Variants in PID1 observed in about 807,000 individuals in gnomAD.
PID1 encodes the protein PTB-containing, cubilin and LRP1-interacting protein.
A neutral mutation model predicts 19.1 loss-of-function variants in PID1; 10 were observed. The ratio of observed to expected loss-of-function variants is 0.52; its 90% CI spans 0.32 to 0.89. The LOEUF is 0.89. Ranked by LOEUF, PID1 falls within the 40% of genes least tolerant of loss-of-function variation. PID1 has a pLI of 0.03. For missense variants in PID1, 248 were observed against 285.3 expected, an observed-to-expected ratio of 0.87 and a Z score of 0.94; for synonymous variants, 130 against 116.0, an observed-to-expected ratio of 1.12 and a Z score of -0.78.
intron 2 of PID1, among the ~76,000 whole-genome samples, chr2:229,118,027 G>T (rs1276186360): frequency 6.6e-6 from 1 of 152,236 alleles, no homozygotes; most frequent in East Asian, 1.9e-4. Context: ...GGTTCATGAG[G>T]CTGGGATACT....
At position 229,152,885 on chromosome 2, in the gene PID1, G is replaced by A. The variant is rs567561296; in HGVS notation, c.177+2933C>T. Among the ~76,000 whole-genome samples the A allele has an allele frequency of 9.9e-5, 15 of 152,182 alleles. No individual in the cohort carries two copies. In the South Asian group the frequency reaches 3.1e-3, roughly 32 times the overall value. ...GCCTCTTTCCCTCCCCAAACCCAAA[G>A]TTATAAGAGCTATTAGGAAAAAAGA... is the stretch of plus-strand genomic sequence containing the variant. On this transcript the variant is annotated intron_variant, in intron 2 of 2. Transcript: ENST00000392055.
At chr2:229,162,299 A>G (rs1275563424) in intron 1 of PID1, among the ~76,000 whole-genome samples, 7 of 152,232 alleles carry the variant, frequency 4.6e-5, no homozygotes, top group Non-Finnish European at 8.8e-5. Context: ...AATCTCTGAC[A>G]GTTTAGCAAG....
chr2:229,135,477 A>G (rs544090471), intron 2 of PID1, among the ~76,000 whole-genome samples: 1 of 152,198 alleles, frequency 6.6e-6, no homozygotes, highest in Non-Finnish European at 1.5e-5. Context: ...TTACAGAAAA[A>G]CAATGATACA....
chr2:229,236,230 GC>G (rs1367706559), intron 1 of PID1: 1 of 152,054 alleles, frequency 6.6e-6, no homozygotes, highest in Non-Finnish European at 1.5e-5. Context: ...TAAGAAAGAG[GC>G]CCTCTTTTAA....
intron 2 of PID1, among the ~76,000 whole-genome samples, chr2:229,077,412 G>C (rs961446468): frequency 6.6e-6 from 1 of 152,116 alleles, no homozygotes; most frequent in Non-Finnish European, 1.5e-5. Context: ...GTCAATTTTG[G>C]CTTCTGTTGC....
intron 1 of PID1, among the ~76,000 whole-genome samples, chr2:229,222,843 TAA>T (rs1692000703): frequency 6.8e-6 from 1 of 147,486 alleles, no homozygotes; most frequent in Non-Finnish European, 1.5e-5. Context: ...TTCCTAATTT[TAA>T]AAAGTCTCTT....
At chr2:229,062,693 G>A (rs915541529) in intron 2 of PID1, among the ~76,000 whole-genome samples, 1 of 151,872 alleles carries the variant, frequency 6.6e-6, no homozygotes, top group Non-Finnish European at 1.5e-5. Context: ...TTTGGAGGAG[G>A]TTTAAAAATA....
intron 1 of PID1, among the ~76,000 whole-genome samples, chr2:229,249,497 G>C (rs1181100207): frequency 6.6e-6 from 1 of 152,194 alleles, no homozygotes; most frequent in Admixed American, 6.5e-5. Context: ...GTATGGTGTT[G>C]CCGGCCTTGT....
At chr2:229,236,154 G>C in intron 1 of PID1, among the ~76,000 whole-genome samples, 1 of 8,608 alleles carries the variant, frequency 1.2e-4, no homozygotes, top group Middle Eastern at 0.17. Flanking sequence ...AATGGTTTTT[G>C]GCTTTTGAAA....
At chr2:229,058,470 G>A (rs1397864584) in intron 2 of PID1, among the ~76,000 whole-genome samples, 3 of 152,128 alleles carry the variant, frequency 2.0e-5, no homozygotes, top group African/African-American at 7.2e-5. Flanking sequence ...GCTACATGAA[G>A]GTTCAAATGT....
intron 2 of PID1, among the ~76,000 whole-genome samples, chr2:229,031,110 G>C (rs1351480795): frequency 6.6e-6 from 1 of 150,844 alleles, no homozygotes; most frequent in Non-Finnish European, 1.5e-5. Context: ...CAGCTACTGG[G>C]GAGGCTGAGG....
At chr2:229,164,217 C>T (rs1007982849) in intron 1 of PID1, among the ~76,000 whole-genome samples, 4 of 152,068 alleles carry the variant, frequency 2.6e-5, no homozygotes, top group African/African-American at 9.7e-5. Context: ...ACATTACTTG[C>T]TTGTCCCTTT....
intron 2 of PID1, among the ~76,000 whole-genome samples, chr2:229,103,001 C>T (rs1412989604): frequency 3.3e-5 from 5 of 152,194 alleles, no homozygotes; most frequent in African/African-American, 1.2e-4. Flanking sequence ...ATTCAAATTT[C>T]AGATCTTACA....
rs563260532 is a variant in PID1 at position 229,244,599 on chromosome 2, A to T, written c.30+26415T>A. On this transcript the variant is annotated intron_variant, in intron 1 of 2. Coordinates refer to ENST00000392055, the MANE Select transcript of PID1 (RefSeq NM_001100818.2). ...CAGTCAAAATTAGGTAACCTCTCAT[A>T]AGAAAGTTAATTATCTTCTCCTCTT... Among the ~76,000 whole-genome samples, 3 of 152,288 alleles carry T rather than the reference A, an allele frequency of 2.0e-5. No homozygotes were observed. The South Asian group carries it at 6.2e-4, about 32-fold the overall frequency.
chr2:229,065,273 TTCTAG>T (rs1694300230), intron 2 of PID1, among the ~76,000 whole-genome samples: 1 of 152,134 alleles, frequency 6.6e-6, no homozygotes, highest in South Asian at 2.1e-4. Context: ...TACTGTTAAG[TTCTAG>T]TCTAGTTTTT....
intron 2 of PID1, among the ~76,000 whole-genome samples, chr2:229,039,244 ATTCT>A: frequency 6.6e-6 from 1 of 152,308 alleles, no homozygotes; most frequent in Admixed American, 6.5e-5. Context: ...TGAATATCCA[ATTCT>A]TTGTGTAATC....
At chr2:229,163,680 T>TGCGCGCGCGCGC (rs1553570262) in intron 1 of PID1, among the ~76,000 whole-genome samples, 1 of 103,714 alleles carries the variant, frequency 9.6e-6, no homozygotes, top group African/African-American at 2.8e-5. Flanking sequence ...TGTGTGCGTG[T>TGCGCGCGCGCGC]GCGTGTGTGT....
chr2:229,119,591 G>A (rs1211190040), intron 2 of PID1, among the ~76,000 whole-genome samples: 5 of 152,134 alleles, frequency 3.3e-5, no homozygotes, highest in Non-Finnish European at 7.3e-5. Flanking sequence ...GGCTACTTGG[G>A]AACAAGGCAA....
chr2:229,242,552 T>C (rs1689898070), intron 1 of PID1, among the ~76,000 whole-genome samples: 1 of 152,146 alleles, frequency 6.6e-6, no homozygotes, highest in South Asian at 2.1e-4. Flanking sequence ...TAATCAGCTG[T>C]CAACCCATTC....
Sources: allele counts gnomAD v4.1 joint callset (sites outside exome capture counted in the v4.1 genomes callset), GRCh38; gene constraint gnomAD v4.1.1; transcripts MANE v1.5; gene names NCBI Gene and HGNC (gene_info 2026-07-23, HGNC 2026-07-21).